TACC2: variants seen among roughly 807,000 people sequenced by gnomAD.
TACC2 encodes transforming acidic coiled-coil containing protein 2, also known as transforming acidic coiled-coil-containing protein 2.
Under a neutral mutation model 227.3 loss-of-function variants are expected in TACC2, and 137 were observed. The ratio of observed to expected loss-of-function variants is 0.60; its 90% CI spans 0.52 to 0.69. The LOEUF is 0.69. Ranked by LOEUF, TACC2 falls within the 30% of genes least tolerant of loss-of-function variation. The pLI is 0.00. For synonymous variants in TACC2, 1,523 were observed against 1,487.5 expected (o/e 1.02, Z -0.55); for missense variants, 3,470 against 3,694.4 (o/e 0.94, Z 1.57).
intron 5 of TACC2, among the ~76,000 whole-genome samples, chr10:122,099,731 ACT>A (rs2081931283): frequency 1.3e-5 from 2 of 152,172 alleles, no homozygotes; most frequent in South Asian, 4.1e-4. Context: ...ACTCAGCTTA[ACT>A]CTGTTTCTTT....
chr10:122,237,399 A>T lies in TACC2; in HGVS notation c.8132A>T (p.Glu2711Val). The T allele has an allele frequency of 1.2e-6, 2 of 1,609,032 alleles. No individual in the cohort carries two copies. The highest frequency in any genetic ancestry group is 1.7e-6 in the Non-Finnish European group (2 of 1,177,716). The change falls in exon 17 of 23, where the codon GAG (glutamate) becomes GTG (valine). Residue 2711 changes from glutamate (E) to valine (V), a missense_variant. This residue lies in a region of TACC2 where 345 missense variants were observed against 354.4 expected (regional missense o/e 0.97). Transcript: ENST00000369005. ...ASRSHQDAKR[E>V]AAHPTDVSIS... ...TAATTAAAAACGATTCCACAGAGAGAGGCTGCTCACCCAACAGACGTCTCC... is the reference window on the plus strand; with the variant it reads ...TAATTAAAAACGATTCCACAGAGAGTGGCTGCTCACCCAACAGACGTCTCC...
chr10:122,215,936 T>C (rs768111623), intron 10 of TACC2, among the ~76,000 whole-genome samples: 1 of 152,190 alleles, frequency 6.6e-6, no homozygotes. Context: ...CTCCATCAGA[T>C]AGATTCCATT....
intron 7 of TACC2, among the ~76,000 whole-genome samples, chr10:122,149,139 G>A (rs2091756119): frequency 6.6e-6 from 1 of 152,246 alleles, no homozygotes; most frequent in African/African-American, 2.4e-5. Flanking sequence ...GGCAGCCACA[G>A]CTGACCTCTG....
Position 122,210,802 on chromosome 10 carries a change from G to A in TACC2, c.6377G>A (p.Arg2126Gln), listed in dbSNP as rs775874142. 8.7e-6 allele frequency: 14 copies of A among 1,612,254 alleles called. No individual in the cohort carries two copies. The highest frequency in any genetic ancestry group is 1.2e-5 in the Non-Finnish European group (14 of 1,179,644). ...GSSSASSTLK[R>Q]TKKPRPPSLK... ...AGCAGTGCTTCTAGTACCCTTAAGC[G>A]AACTAAAAAACCGAGGCCGCCTTCC... is the stretch of plus-strand genomic sequence containing the variant. Residue 2126 changes from arginine to glutamine, a missense_variant, in exon 9 of 23, where the codon CGA becomes CAA. Transcript: ENST00000369005. The surrounding 1 kb of genome is among the most constrained non-coding windows in gnomAD (Gnocchi z 4.6).
intron 3 of TACC2, among the ~76,000 whole-genome samples, chr10:122,057,687 G>A (rs540823631): frequency 6.6e-6 from 1 of 152,140 alleles, no homozygotes; most frequent in South Asian, 2.1e-4. Context: ...AGGCATGGTG[G>A]TGGGCACCTG....
chr10:122,178,526 C>T (rs370422688), intron 7 of TACC2, among the ~76,000 whole-genome samples: 38 of 152,126 alleles, frequency 2.5e-4, no homozygotes, highest in African/African-American at 8.9e-4. Context: ...CATGAGCCAC[C>T]GCGCCCTGCC....
At chr10:122,077,114 C>CAAAAA (rs973879242) in intron 3 of TACC2, among the ~76,000 whole-genome samples, 2 of 67,028 alleles carry the variant, frequency 3.0e-5, no homozygotes. Context: ...GACTCTGTCT[C>CAAAAA]AAAAAAAAAA....
chr10:122,192,886 C>T (rs1381136294), intron 7 of TACC2: 4 of 413,262 alleles, frequency 9.7e-6, no homozygotes, highest in Non-Finnish European at 2.0e-5. Flanking sequence ...CGGGGCAGCA[C>T]CCGGGGCAGC....
At position 122,191,663 on chromosome 10, in the gene TACC2, T is replaced by C. The variant is rs1012226361; in HGVS notation, c.5835-3377T>C. On this transcript the variant is annotated intron_variant, in intron 7 of 22. Transcript: ENST00000369005. ...GTTTACACTATAGAAATATAGATAT[T>C]TTATTGCATTTGCATATTTACTTCT... Among the ~76,000 whole-genome samples, 6 of 152,362 alleles carry C rather than the reference T, an allele frequency of 3.9e-5. No individual in the cohort carries two copies. The East Asian group carries it at 1.2e-3, about 29-fold the overall frequency.
At chr10:122,208,487 G>A (rs1340322573) in intron 8 of TACC2, among the ~76,000 whole-genome samples, 1 of 152,166 alleles carries the variant, frequency 6.6e-6, no homozygotes, top group East Asian at 1.9e-4. Context: ...TGAGAAAATC[G>A]ACAGGAAGAG....
At position 122,090,332 on chromosome 10, in the gene TACC2, G is replaced by A. The variant is rs542016413; in HGVS notation, c.5573+1741G>A. On this transcript the variant is annotated intron_variant, in intron 5 of 22. Transcript: ENST00000369005. ...GAGACCGAGGCAGGCAGATCACAAG[G>A]TCAGGAGATCGAGACCATCCTGGCT... Among the ~76,000 whole-genome samples the A allele has an allele frequency of 2.0e-5, 3 of 152,026 alleles. No homozygotes were observed. In the South Asian group the frequency reaches 6.2e-4, roughly 32 times the overall value.
chr10:122,063,849 C>T (rs1247431535), intron 3 of TACC2, among the ~76,000 whole-genome samples: 2 of 151,240 alleles, frequency 1.3e-5, no homozygotes, highest in Non-Finnish European at 2.9e-5. Context: ...CACACACACA[C>T]ACACACACCC....
intron 20 of TACC2, 102 bp from the exon 21 acceptor site, chr10:122,248,948 C>A: frequency 2.0e-6 from 3 of 1,481,912 alleles, no homozygotes; most frequent in East Asian, 2.3e-5. Flanking sequence ...CAGACTTGGC[C>A]GCCTGGGGTT....
intron 5 of TACC2, among the ~76,000 whole-genome samples, chr10:122,114,984 A>G (rs2084372781): frequency 6.6e-6 from 1 of 152,272 alleles, no homozygotes; most frequent in African/African-American, 2.4e-5. Context: ...GAGAGACTCA[A>G]AGAAGTCCAG....
At chr10:122,103,236 C>A (rs1299516712) in intron 5 of TACC2, among the ~76,000 whole-genome samples, 2 of 152,126 alleles carry the variant, frequency 1.3e-5, no homozygotes, top group Admixed American at 1.3e-4. Flanking sequence ...TAAGAAATAA[C>A]CCACAGTTTA....
chr10:122,130,570 A>G (rs2087863019), intron 5 of TACC2, among the ~76,000 whole-genome samples: 2 of 152,178 alleles, frequency 1.3e-5, no homozygotes, highest in African/African-American at 4.8e-5. Context: ...GGCATAAGCC[A>G]CCGTGCCCAG....
intron 3 of TACC2, among the ~76,000 whole-genome samples, chr10:122,071,198 ATAG>A (rs1164853095): frequency 6.6e-6 from 1 of 152,156 alleles, no homozygotes. Flanking sequence ...CTCTAATGGG[ATAG>A]TAGTTTTATT....
intron 7 of TACC2, among the ~76,000 whole-genome samples, chr10:122,184,311 TG>T (rs552071531): frequency 6.6e-6 from 1 of 151,728 alleles, no homozygotes; most frequent in South Asian, 2.1e-4. Context: ...AGCCTGGGGG[TG>T]GGGGGGTGCC....
chr10:122,144,903 A>G (rs1328116198), intron 7 of TACC2, among the ~76,000 whole-genome samples: 1 of 152,178 alleles, frequency 6.6e-6, no homozygotes, highest in East Asian at 1.9e-4. Context: ...GATCCACCGC[A>G]GTGCCTGGTC....
Sources: gnomAD v4.1 joint callset for allele counts (sites outside exome capture counted in the v4.1 genomes callset) on GRCh38, gnomAD v4.1.1 for gene constraint, gnomAD v4.1.1 regional missense constraint, Gnocchi (gnomAD v3.1) non-coding constraint, MANE v1.5 for transcripts, NCBI Gene and HGNC (gene_info 2026-07-23, HGNC 2026-07-21) for gene names.